Variants in IGF1R observed in about 807,000 individuals in gnomAD.
The protein encoded by IGF1R is insulin like growth factor 1 receptor, also known as insulin-like growth factor 1 receptor.
In IGF1R, 44 loss-of-function variants were observed where a neutral mutation model predicts 144.6. The ratio of observed to expected loss-of-function variants is 0.30; its 90% CI spans 0.24 to 0.39. The LOEUF (loss-of-function observed/expected upper bound fraction) is 0.39, where lower values mean the gene tolerates loss of function less well. Among genes scored for constraint, IGF1R ranks in the 10% least tolerant of loss-of-function variants. IGF1R has a pLI of 1.00. For missense variants in IGF1R, 1,355 were observed against 1,833.7 expected (o/e 0.74, Z 4.77); for synonymous variants, 795 against 722.8 (o/e 1.10, Z -1.60).
chr15:98,877,373 A>T (rs569541166), intron 2 of IGF1R, among the ~76,000 whole-genome samples: 67 of 152,150 alleles, frequency 4.4e-4, no homozygotes, highest in African/African-American at 1.6e-3. Flanking sequence ...GGTAATGCAG[A>T]TGGCCAAGAG....
intron 2 of IGF1R, among the ~76,000 whole-genome samples, chr15:98,787,163 C>T (rs925461610): frequency 1.3e-5 from 2 of 152,158 alleles, no homozygotes; most frequent in Admixed American, 1.3e-4. Flanking sequence ...GGGAAGGATT[C>T]ATGGCATAAA....
intron 1 of IGF1R, among the ~76,000 whole-genome samples, chr15:98,689,868 C>T (rs1283254583): frequency 6.6e-6 from 1 of 152,180 alleles, no homozygotes; most frequent in African/African-American, 2.4e-5. Context: ...TGCTCCCTCA[C>T]ACTGTCCTCA....
rs1207475080 is a variant in IGF1R, at chr15:98,963,088, AAAT to A, written c.*5647_*5649del. On this transcript the variant is annotated 3_prime_UTR_variant, in exon 21 of 21. Coordinates refer to ENST00000650285, the MANE Select transcript of IGF1R (RefSeq NM_000875.5). Reference sequence around the variant, plus strand: ...AAGATCTGGTTTACAAGAACTAATTAAATGTTTCATTGCATTTTTGTAAGAACA... The same window carrying A: ...AAGATCTGGTTTACAAGAACTAATTAGTTTCATTGCATTTTTGTAAGAACA... 4.3e-6 allele frequency: 1 copy of A among 233,492 alleles called. No individual in the cohort carries two copies. Among genetic ancestry groups the A allele is most frequent in the Non-Finnish European group, 8.5e-6 (1 of 118,032 alleles). The allele number at this position is 233,492 out of a possible 1,614,324, so 14.5% of individuals were successfully genotyped here.
intron 1 of IGF1R, among the ~76,000 whole-genome samples, chr15:98,695,933 G>A (rs1488215741): frequency 6.6e-6 from 1 of 151,414 alleles, no homozygotes; most frequent in East Asian, 1.9e-4. Flanking sequence ...CTCTCTTAAT[G>A]TGTGGAGGCA....
intron 2 of IGF1R, chr15:98,873,600 A>T (rs933761870): frequency 2.0e-5 from 3 of 152,226 alleles, no homozygotes; most frequent in Admixed American, 2.0e-4. Flanking sequence ...TGATTTCTTT[A>T]AGCCTCTGGC....
At chr15:98,839,863 C>G (rs957390189) in intron 2 of IGF1R, among the ~76,000 whole-genome samples, 50 of 152,296 alleles carry the variant, frequency 3.3e-4, no homozygotes, top group African/African-American at 1.0e-3. Context: ...GTCCTTGAGT[C>G]TTTGCTCAGA....
At chr15:98,750,596 G>A (rs184745029) in intron 2 of IGF1R, among the ~76,000 whole-genome samples, 128 of 152,254 alleles carry the variant, frequency 8.4e-4, no homozygotes, top group African/African-American at 3.0e-3. Context: ...GGCTGTGGAG[G>A]GTGGATTGCT....
chr15:98,922,261 A>G lies in IGF1R; in HGVS notation c.2315A>G (p.Glu772Gly), dbSNP rs1157951604. 6.2e-7 allele frequency: 1 copy of G among 1,614,190 alleles called. No individual in the cohort carries two copies. The highest frequency in any genetic ancestry group is 2.2e-5 in the East Asian group (1 of 44,880). Residue 772 changes from glutamate (E) to glycine (G), a missense_variant, in exon 11 of 21, where the codon GAG (glutamate) becomes GGG (glycine). By Grantham distance (98) the Glu-to-Gly change is moderately conservative. Transcript: ENST00000650285. Reference sequence around the variant, plus strand: ...AACATCACCGACCCGGAAGAGCTGGAGACAGAGTACCCTTTCTTTGAGAGC... The same window carrying G: ...AACATCACCGACCCGGAAGAGCTGGGGACAGAGTACCCTTTCTTTGAGAGC... Reference protein sequence around the residue: ...TYNITDPEELETEYPFFESRV... With the variant: ...TYNITDPEELGTEYPFFESRV...
intron 2 of IGF1R, among the ~76,000 whole-genome samples, chr15:98,790,814 G>A (rs1192253799): frequency 2.6e-5 from 4 of 152,162 alleles, no homozygotes; most frequent in African/African-American, 9.7e-5. Context: ...GTAGGTAAAT[G>A]GACTAAACAC....
chr15:98,664,907 T>C (rs901487528), intron 1 of IGF1R, among the ~76,000 whole-genome samples: 17 of 151,534 alleles, frequency 1.1e-4, no homozygotes, highest in African/African-American at 4.1e-4. Flanking sequence ...GATGTTTTGC[T>C]CCTAGCTACA....
At chr15:98,693,875 G>A (rs999696630) in intron 1 of IGF1R, among the ~76,000 whole-genome samples, 1 of 152,160 alleles carries the variant, frequency 6.6e-6, no homozygotes, top group Non-Finnish European at 1.5e-5. Flanking sequence ...CAAAGTGCTG[G>A]GATTACAGGC....
chr15:98,723,185 C>G (rs2054282324), intron 2 of IGF1R, among the ~76,000 whole-genome samples: 1 of 152,036 alleles, frequency 6.6e-6, no homozygotes, highest in Admixed American at 6.6e-5. Context: ...GCTCCCCCAC[C>G]CCAACTTTAA....
rs2013947006 is a variant in IGF1R, at chr15:98,891,980, G to A, written c.953+343G>A. 6.6e-6 allele frequency among the ~76,000 whole-genome samples: 1 copy of A among 152,144 alleles called. No homozygotes were observed. The highest frequency in any genetic ancestry group is 1.5e-5 in the Non-Finnish European group (1 of 68,012). ...TAAGAGACAGGGAACTGTAGTTTTG[G>A]ATTTTCCTAGTCTGGGTGCTGCTAG... is the stretch of plus-strand genomic sequence containing the variant. On this transcript the variant is annotated intron_variant, in intron 3 of 20. Transcript: ENST00000650285. This position sits in a 1 kb window ranked among gnomAD's most constrained non-coding sequence, Gnocchi z 4.7.
chr15:98,691,043 A>T (rs1486709723), intron 1 of IGF1R, among the ~76,000 whole-genome samples: 2 of 152,226 alleles, frequency 1.3e-5, no homozygotes, highest in African/African-American at 2.4e-5. Flanking sequence ...ACCTCTTAAC[A>T]GCTTCGCCTC....
rs1277469191 is a variant in IGF1R, at chr15:98,752,930, C to CTTTTTTTT, written c.640+44824_640+44825insTTTTTTTT. 1.5e-5 allele frequency among the ~76,000 whole-genome samples: 2 copies of CTTTTTTTT among 130,420 alleles called. 1 individual carries two copies. 85.6% of individuals were successfully genotyped at this position (130,420 alleles called of 152,430 possible). On this transcript the variant is annotated intron_variant, in intron 2 of 20. Transcript: ENST00000650285. ...ATATGTTTAGGGCTGGAAAATCATA[C>CTTTTTTTT]TATTTTTTTTTTTTTTTTTTTTTGA...
chr15:98,777,873 A>G (rs1463414927), intron 2 of IGF1R, among the ~76,000 whole-genome samples: 1 of 152,318 alleles, frequency 6.6e-6, no homozygotes, highest in East Asian at 1.9e-4. Context: ...AATGTAGACC[A>G]CTGCAGATCG....
intron 2 of IGF1R, among the ~76,000 whole-genome samples, chr15:98,753,083 G>T (rs981669174): frequency 1.3e-5 from 2 of 151,696 alleles, no homozygotes; most frequent in Admixed American, 1.3e-4. Flanking sequence ...CTACAGGCAC[G>T]TGCCACCACA....
rs749849537 is a variant in IGF1R at position 98,904,184 on chromosome 15, C to G, written c.1248-4501C>G. On this transcript the variant is annotated intron_variant, in intron 5 of 20. Transcript: ENST00000650285. Reference sequence around the variant, plus strand: ...CCCCTGCCTCAGCCTCCCGAGTAGCCGGGACTACAGGCGCTCACCACCACG... The same window carrying G: ...CCCCTGCCTCAGCCTCCCGAGTAGCGGGGACTACAGGCGCTCACCACCACG... Among the ~76,000 whole-genome samples, 4 of 151,650 alleles carry G rather than the reference C, an allele frequency of 2.6e-5. No homozygotes were observed. In the East Asian group the frequency reaches 5.8e-4, roughly 22 times the overall value.
chr15:98,708,057 TCAA>T lies in IGF1R; in HGVS notation c.594_596del (p.Asn199del). The stretch of plus-strand genomic sequence containing the variant: ...AAGCCGATGTGTGAGAAGACCACCA[TCAA>T]CAATGAGTACAACTACCGCTGCTGG... On this transcript the variant is annotated inframe_deletion, in exon 2 of 21. Transcript: ENST00000650285. The T allele has an allele frequency of 6.2e-7, 1 of 1,614,012 alleles. No homozygotes were observed. The highest frequency in any genetic ancestry group is 8.5e-7 in the Non-Finnish European group (1 of 1,179,992).
Sources: allele counts gnomAD v4.1 joint callset (sites outside exome capture counted in the v4.1 genomes callset), GRCh38; gene constraint gnomAD v4.1.1; non-coding constraint Gnocchi (gnomAD v3.1); transcripts MANE v1.5; gene names NCBI Gene and HGNC (gene_info 2026-07-23, HGNC 2026-07-21).